The following PLCB1 variants were observed in gnomAD, a reference collection of about 807,000 sequenced individuals.
PLCB1 encodes phospholipase C beta 1.
Under a neutral mutation model 161.8 loss-of-function variants are expected in PLCB1, and 46 were observed. The observed-to-expected ratio is 0.28, with a 90% CI of 0.22 to 0.36. The LOEUF is 0.36. Among genes scored for constraint, PLCB1 ranks in the 10% least tolerant of loss-of-function variants. PLCB1 has a pLI of 1.00. For synonymous variants in PLCB1, 517 were observed against 503.7 expected (o/e 1.03, Z -0.35); for missense variants, 1,016 against 1,472.5 (o/e 0.69, Z 5.07).
intron 3 of PLCB1, among the ~76,000 whole-genome samples, chr20:8,381,887 G>A (rs1296452430): frequency 1.3e-5 from 2 of 150,552 alleles, no homozygotes; most frequent in Non-Finnish European, 3.0e-5. Context: ...ATTTTTTCGG[G>A]AAAAAAAGAA....
In PLCB1 at chr20:8,676,415, GAAGA is replaced by G. The variant is rs200634850; in HGVS notation, c.863-8500_863-8497del. 2.4e-3 allele frequency among the ~76,000 whole-genome samples: 348 copies of G among 144,596 alleles called. 3 individuals are homozygous for G. Among genetic ancestry groups the G allele is most frequent in the African/African-American group, 6.9e-3 (246 of 35,530 alleles). The allele number at this position is 144,596 out of a possible 152,430, so 94.9% of individuals were successfully genotyped here. A position where few individuals can be genotyped will look rare whatever the true frequency, so the allele number is the denominator to read the frequency against. The stretch of plus-strand genomic sequence containing the variant: ...AGACAAAGAAAGAAAGAAAGAAAGA[GAAGA>G]AAGAAAGAAAGAAAGAGAGAAAGAG... On this transcript the variant is annotated intron_variant, in intron 9 of 31. Transcript: ENST00000338037.
At chr20:8,258,452 G>A (rs1981532945) in intron 2 of PLCB1, among the ~76,000 whole-genome samples, 1 of 152,072 alleles carries the variant, frequency 6.6e-6, no homozygotes, top group Admixed American at 6.6e-5. Context: ...GTTTACATTT[G>A]CTCTGGAAGT....
intron 2 of PLCB1, among the ~76,000 whole-genome samples, chr20:8,267,339 C>T (rs1167008699): frequency 6.6e-6 from 1 of 152,176 alleles, no homozygotes. Flanking sequence ...CCACCCACTG[C>T]CTTCTGCGGG....
intron 7 of PLCB1, chr20:8,651,895 G>A (rs1013269740): frequency 1.5e-4 from 26 of 175,112 alleles, no homozygotes; most frequent in Admixed American, 1.8e-4. Flanking sequence ...CAAGCATAAA[G>A]AGAAAACATG....
At chr20:8,245,450 G>A (rs1980834310) in intron 2 of PLCB1, among the ~76,000 whole-genome samples, 1 of 151,926 alleles carries the variant, frequency 6.6e-6, no homozygotes, top group African/African-American at 2.4e-5. Flanking sequence ...GGAAATTCCT[G>A]TAAGTCAACT....
At chr20:8,505,816 G>C (rs1387311674) in intron 3 of PLCB1, among the ~76,000 whole-genome samples, 2 of 152,144 alleles carry the variant, frequency 1.3e-5, no homozygotes, top group African/African-American at 4.8e-5. Context: ...AAACAAGTTG[G>C]CCTTTAAGAG....
chr20:8,399,075 T>G (rs1978427328), intron 3 of PLCB1, among the ~76,000 whole-genome samples: 1 of 151,692 alleles, frequency 6.6e-6, no homozygotes, highest in Non-Finnish European at 1.5e-5. Flanking sequence ...AAAATTCACC[T>G]ATAGCTTCTT....
At chr20:8,216,915 A>T (rs2123155510) in intron 2 of PLCB1, among the ~76,000 whole-genome samples, 1 of 152,250 alleles carries the variant, frequency 6.6e-6, no homozygotes, top group Admixed American at 6.5e-5. Flanking sequence ...CTTCTTTGAC[A>T]TGCCACAACT....
Position 8,771,881 on chromosome 20 carries a change from C to CTTCCTTCCTTCG in PLCB1, c.2931-2647_2931-2646insGTTCCTTCCTTC, listed in dbSNP as rs1242254374. ...ATTTGTTTCCTTCCTTCCTTCGTTC[C>CTTCCTTCCTTCG]TTCCTTCCTTCCTTCCTTTCGACAG... On this transcript the variant is annotated intron_variant, in intron 26 of 31. Transcript: ENST00000338037. Among the ~76,000 whole-genome samples, 897 of 149,714 alleles carry CTTCCTTCCTTCG rather than the reference C, an allele frequency of 6.0e-3. 7 individuals carry two copies. The highest frequency in any genetic ancestry group is 0.021 in the African/African-American group (855 of 40,714).
At chr20:8,685,640 G>A (rs61201531) in intron 10 of PLCB1, among the ~76,000 whole-genome samples, 29,489 of 150,978 alleles carry the variant, frequency 0.2, 4,243 homozygotes, top group East Asian at 0.39. Flanking sequence ...GGGAGGCTGA[G>A]GCAGGAGAAT....
chr20:8,489,979 TGATC>T (rs1982877366), intron 3 of PLCB1, among the ~76,000 whole-genome samples: 1 of 152,186 alleles, frequency 6.6e-6, no homozygotes, highest in Non-Finnish European at 1.5e-5. Context: ...ACATTCACAG[TGATC>T]CAGTCATTTT....
intron 2 of PLCB1, among the ~76,000 whole-genome samples, chr20:8,321,861 G>A (rs1217890539): frequency 6.6e-6 from 1 of 152,150 alleles, no homozygotes; most frequent in South Asian, 2.1e-4. Flanking sequence ...TTGGCATGCA[G>A]TATATACTGC....
At chr20:8,575,007 T>C (rs1022607602) in intron 3 of PLCB1, among the ~76,000 whole-genome samples, 11 of 152,216 alleles carry the variant, frequency 7.2e-5, no homozygotes, top group Non-Finnish European at 1.6e-4. Flanking sequence ...GCTCCCTCTG[T>C]ACTTGTTTCT....
At chr20:8,429,495 G>A (rs1250946441) in intron 3 of PLCB1, among the ~76,000 whole-genome samples, 1 of 150,394 alleles carries the variant, frequency 6.6e-6, no homozygotes, top group African/African-American at 2.4e-5. Context: ...AAAGATGAAG[G>A]AAATAGAACA....
At chr20:8,772,667 T>C (rs1982748820) in intron 26 of PLCB1, among the ~76,000 whole-genome samples, 1 of 152,132 alleles carries the variant, frequency 6.6e-6, no homozygotes, top group African/African-American at 2.4e-5. Flanking sequence ...GCGCGGTGGC[T>C]CATGCCTGTA....
chr20:8,371,470 G>C lies in PLCB1; in HGVS notation c.246+20G>C. The C allele has an allele frequency of 6.4e-7, 1 of 1,553,064 alleles. No individual in the cohort carries two copies. The highest frequency in any genetic ancestry group is 8.9e-7 in the Non-Finnish European group (1 of 1,129,758). On this transcript the variant is annotated intron_variant, in intron 3 of 31. Coordinates refer to ENST00000338037, the MANE Select transcript of PLCB1 (RefSeq NM_015192.4). ...CCCAAGGTAGGAGGTTGAGTGTTGT[G>C]CATGCACCAGATGCTGCCTTGATTG...
rs1288352798 is a variant in PLCB1, at chr20:8,882,030, CAT to C, written c.*182_*183del. On this transcript the variant is annotated 3_prime_UTR_variant, in exon 32 of 32. Transcript: ENST00000338037. ...ATTCCCATGCCCAGGCTCCATGTGT[CAT>C]GTGGAAACCTCCACAGGTCTGCTAG... is the stretch of plus-strand genomic sequence containing the variant. The C allele has an allele frequency of 3.4e-6, 2 of 590,226 alleles. No individual in the cohort carries two copies. Among genetic ancestry groups the C allele is most frequent in the Admixed American group, 6.1e-5 (2 of 32,620 alleles). 36.6% of individuals were successfully genotyped at this position (590,226 alleles called of 1,614,324 possible).
At chr20:8,694,004 A>G (rs1990534222) in intron 10 of PLCB1, among the ~76,000 whole-genome samples, 3 of 152,352 alleles carry the variant, frequency 2.0e-5, no homozygotes, top group Admixed American at 2.0e-4. Flanking sequence ...CCAAAGGTTG[A>G]ATGACTCATG....
At chr20:8,738,871 C>T (rs1980720457) in intron 20 of PLCB1, among the ~76,000 whole-genome samples, 1 of 152,174 alleles carries the variant, frequency 6.6e-6, no homozygotes, top group South Asian at 2.1e-4. Context: ...CTGGTCCTGG[C>T]CAGGCGCAGT....
Sources: allele counts gnomAD v4.1 joint callset (sites outside exome capture counted in the v4.1 genomes callset), GRCh38; gene constraint gnomAD v4.1.1; transcripts MANE v1.5; gene names NCBI Gene and HGNC (gene_info 2026-07-23, HGNC 2026-07-21).